The following MAP4K4 variants were observed in gnomAD, a reference collection of about 807,000 sequenced individuals.
MAP4K4 encodes HPK/GCK-like kinase HGK.
A neutral mutation model predicts 189.6 loss-of-function variants in MAP4K4; 38 were observed. That is an observed-to-expected ratio of 0.20 (90% CI 0.15 to 0.26). The LOEUF (loss-of-function observed/expected upper bound fraction) is 0.26, where lower values mean the gene tolerates loss of function less well. Among genes scored for constraint, MAP4K4 ranks in the 10% least tolerant of loss-of-function variants. The pLI, the probability that MAP4K4 is intolerant of heterozygous loss-of-function variation, is 1.00. For missense variants in MAP4K4, 1,054 were observed against 1,726.9 expected (o/e 0.61, Z 6.91); for synonymous variants, 610 against 624.3 (o/e 0.98, Z 0.34).
chr2:101,737,450 T>C, intron 2 of MAP4K4, among the ~76,000 whole-genome samples: 1 of 37,892 alleles, frequency 2.6e-5, no homozygotes, highest in East Asian at 9.0e-4. Flanking sequence ...TATATATATA[T>C]ATATATATAT....
At chr2:101,701,985 C>T (rs906584980) in intron 2 of MAP4K4, among the ~76,000 whole-genome samples, 1 of 152,142 alleles carries the variant, frequency 6.6e-6, no homozygotes, top group Non-Finnish European at 1.5e-5. Flanking sequence ...CCTGCCTCAG[C>T]CTCCTGAGTA....
intron 2 of MAP4K4, among the ~76,000 whole-genome samples, chr2:101,739,617 A>G (rs1036750985): frequency 4.6e-5 from 7 of 152,126 alleles, no homozygotes; most frequent in African/African-American, 1.7e-4. Context: ...TTTGAATTCT[A>G]TTGACTAAAT....
At chr2:101,785,691 T>TTTTCCTTTTTTGAGTTGGAGTCTTG (rs1558913423) in intron 2 of MAP4K4, among the ~76,000 whole-genome samples, 86 of 2,796 alleles carry the variant, frequency 0.031, 2 homozygotes, top group African/African-American at 0.051. Flanking sequence ...TCTCTCTCTC[T>TTTTCCTTTTTTGAGTTGGAGTCTTG]CTCTCTCTCT....
exon 31 of MAP4K4, chr2:101,887,805 A>G (rs1265017257): frequency 1.1e-5 from 18 of 1,611,946 alleles, no homozygotes; most frequent in Middle Eastern, 1.6e-4. Context: ...ACCCCATGCA[A>G]TCATCATCCT....
intron 3 of MAP4K4, among the ~76,000 whole-genome samples, chr2:101,808,621 G>A (rs1362411334): frequency 6.7e-6 from 1 of 149,810 alleles, no homozygotes; most frequent in Non-Finnish European, 1.5e-5. Flanking sequence ...GAAGCTGCTG[G>A]AACAAAAAAT....
chr2:101,834,259 T>TCCCCC, intron 7 of MAP4K4, 150 bp from the exon 8 acceptor site: 1 of 363,068 alleles, frequency 2.8e-6, no homozygotes. Context: ...TCCCCTCCGC[T>TCCCCC]CCGTAAGTTC....
chr2:101,886,227 A>G (rs1474646041), intron 29 of MAP4K4, among the ~76,000 whole-genome samples: 1 of 152,212 alleles, frequency 6.6e-6, no homozygotes, highest in Admixed American at 6.5e-5. Context: ...AGTTGGTTTT[A>G]TACATATTAC....
chr2:101,830,342 C>T (rs1233817493), intron 6 of MAP4K4, among the ~76,000 whole-genome samples: 1 of 152,044 alleles, frequency 6.6e-6, no homozygotes, highest in Non-Finnish European at 1.5e-5. Flanking sequence ...AATTACAGCC[C>T]ATGGTGTTTT....
chr2:101,807,303 G>A (rs1348719722), intron 3 of MAP4K4, among the ~76,000 whole-genome samples: 2 of 152,088 alleles, frequency 1.3e-5, no homozygotes, highest in Non-Finnish European at 2.9e-5. Context: ...AAGGGCTCAC[G>A]CAGTCCTCCT....
At chr2:101,885,479 GAGA>G (rs2150279376) in intron 29 of MAP4K4, among the ~76,000 whole-genome samples, 192 bp downstream of exon 29, 1 of 152,312 alleles carries the variant, frequency 6.6e-6, no homozygotes, top group Admixed American at 6.5e-5. Context: ...AGCCCACAGT[GAGA>G]AGGAGAGAGA....
At chr2:101,706,866 C>T (rs1190794799) in intron 2 of MAP4K4, among the ~76,000 whole-genome samples, 1 of 152,086 alleles carries the variant, frequency 6.6e-6, no homozygotes, top group African/African-American at 2.4e-5. Context: ...GCTGAAAATC[C>T]CTTTTTCTTA....
At chr2:101,864,876 T>A (rs898137336) in intron 17 of MAP4K4, 54 bp from the exon 18 acceptor site, 6 of 1,185,152 alleles carry the variant, frequency 5.1e-6, no homozygotes, top group African/African-American at 1.6e-5. Flanking sequence ...AGGGAAGTAT[T>A]TTTTTTCCTT....
chr2:101,857,042 C>T (rs2097492005), intron 13 of MAP4K4, among the ~76,000 whole-genome samples: 2 of 152,108 alleles, frequency 1.3e-5, no homozygotes, highest in Admixed American at 6.5e-5. Flanking sequence ...AACTGTGTAG[C>T]GCGTGTGCTT....
At chr2:101,774,884 T>C (rs933724615) in intron 2 of MAP4K4, among the ~76,000 whole-genome samples, 4 of 152,056 alleles carry the variant, frequency 2.6e-5, no homozygotes, top group African/African-American at 9.7e-5. Flanking sequence ...TGTGGTGGAA[T>C]TTGGGCAGCC....
At chr2:101,759,470 T>G (rs2074662617) in intron 2 of MAP4K4, among the ~76,000 whole-genome samples, 1 of 130,636 alleles carries the variant, frequency 7.7e-6, no homozygotes. Flanking sequence ...CCCTTTCCCT[T>G]TCCCTCTCCC....
chr2:101,893,238 G>A, exon 33 of MAP4K4: 1 of 456,400 alleles, frequency 2.2e-6, no homozygotes, highest in South Asian at 1.5e-5. Context: ...AGCAGCTGGT[G>A]GTTTTGTGTA....
exon 18 of MAP4K4, chr2:101,865,028 C>A: frequency 1.3e-6 from 2 of 1,560,928 alleles, no homozygotes; most frequent in Non-Finnish European, 1.7e-6. Context: ...GACAGAGAAA[C>A]TCCACCAGGT....
intron 11 of MAP4K4, among the ~76,000 whole-genome samples, chr2:101,843,858 G>A (rs2097001377): frequency 6.6e-6 from 1 of 152,146 alleles, no homozygotes; most frequent in African/African-American, 2.4e-5. Context: ...ATCCTAAATA[G>A]AAATGTCTTG....
intron 5 of MAP4K4, among the ~76,000 whole-genome samples, chr2:101,828,436 C>G (rs1374113154): frequency 6.6e-6 from 1 of 152,150 alleles, no homozygotes; most frequent in Non-Finnish European, 1.5e-5. Flanking sequence ...TTTCTCTAGT[C>G]AGTGCTTTGC....
Sources: gnomAD v4.1 joint callset for allele counts (sites outside exome capture counted in the v4.1 genomes callset) on GRCh38, gnomAD v4.1.1 for gene constraint, MANE v1.5 for transcripts, NCBI Gene and HGNC (gene_info 2026-07-23, HGNC 2026-07-21) for gene names.